Variants in BCAS3 observed in about 807,000 individuals in gnomAD.
BCAS3 encodes BCAS3 microtubule associated cell migration factor.
Under a neutral mutation model 116.1 loss-of-function variants are expected in BCAS3, and 53 were observed. The ratio of observed to expected loss-of-function variants is 0.46; its 90% CI spans 0.37 to 0.57. The LOEUF is 0.57. Ranked by LOEUF, BCAS3 falls within the 20% of genes least tolerant of loss-of-function variation. BCAS3 has a pLI of 0.00. For missense variants in BCAS3, 917 were observed against 1,165.4 expected, an observed-to-expected ratio of 0.79 and a Z score of 3.10; for synonymous variants, 391 against 408.2, an observed-to-expected ratio of 0.96 and a Z score of 0.51.
At chr17:61,096,218 C>T (rs1425219030) in intron 22 of BCAS3, among the ~76,000 whole-genome samples, 1 of 152,156 alleles carries the variant, frequency 6.6e-6, no homozygotes, top group Non-Finnish European at 1.5e-5. Flanking sequence ...ATGTAGAAGT[C>T]TTACACATCT....
In BCAS3 at chr17:61,229,872, C is replaced by T. The variant is rs149149724; in HGVS notation, c.2426-138455C>T. ...GGGCGCGATGGCTTACGCCTGTAAT[C>T]CCAGCACTTTGGGAGGCCAAGGCGG... On this transcript the variant is annotated intron_variant, in intron 22 of 23. Coordinates refer to ENST00000407086, the MANE Select transcript of BCAS3 (RefSeq NM_017679.5). This position sits in a 1 kb window ranked among gnomAD's most constrained non-coding sequence, Gnocchi z 4.4. Among the ~76,000 whole-genome samples, 28 of 152,368 alleles carry T rather than the reference C, an allele frequency of 1.8e-4. No homozygotes were observed. Among genetic ancestry groups the T allele is most frequent in the African/African-American group, 5.8e-4 (24 of 41,592 alleles).
chr17:61,350,171 T>C (rs75831010), intron 22 of BCAS3, among the ~76,000 whole-genome samples: 4,690 of 152,066 alleles, frequency 0.031, 254 homozygotes, highest in African/African-American at 0.11. Context: ...CTCATGGCAT[T>C]ACAGAGTGCT....
rs116269197 is a variant in BCAS3 at position 61,313,361 on chromosome 17, G to A, written c.2426-54966G>A. ...CCTTCCTATAGGAAGCTTAATCTGC[G>A]GTTCTACTTAAAATATGAGGAAACA... On this transcript the variant is annotated intron_variant, in intron 22 of 23. Transcript: ENST00000407086. This position sits in a 1 kb window ranked among gnomAD's most constrained non-coding sequence, Gnocchi z 4.3. 0.014 allele frequency among the ~76,000 whole-genome samples: 2,202 copies of A among 152,208 alleles called. 34 individuals are homozygous for A. Among genetic ancestry groups the A allele is most frequent in the African/African-American group, 0.035 (1,456 of 41,518 alleles).
chr17:61,273,582 C>T (rs567860478), intron 22 of BCAS3, among the ~76,000 whole-genome samples: 14 of 151,830 alleles, frequency 9.2e-5, no homozygotes, highest in African/African-American at 3.4e-4. Context: ...TGTTGAGTTT[C>T]TTGGTTCTAT....
chr17:60,838,711 G>A (rs1040127026), intron 7 of BCAS3, among the ~76,000 whole-genome samples: 6 of 152,044 alleles, frequency 3.9e-5, no homozygotes, highest in Non-Finnish European at 2.9e-5. Flanking sequence ...CAGGATTTTG[G>A]GCATAGTTTG....
chr17:60,989,846 A>G (rs2063411925), intron 14 of BCAS3, 125 bp from the exon 15 acceptor site: 1 of 1,041,576 alleles, frequency 9.6e-7, no homozygotes, highest in Non-Finnish European at 1.4e-6. Context: ...TTTATTTATT[A>G]CCTGATCTTA....
intron 22 of BCAS3, among the ~76,000 whole-genome samples, chr17:61,361,000 G>T (rs965707766): frequency 2.0e-5 from 3 of 152,158 alleles, no homozygotes; most frequent in East Asian, 3.8e-4. Context: ...TGTAGAAAAT[G>T]AAATTGGTAG....
At chr17:61,108,604 G>GC (rs1555720486) in intron 22 of BCAS3, among the ~76,000 whole-genome samples, 6 of 140,146 alleles carry the variant, frequency 4.3e-5, no homozygotes, top group Non-Finnish European at 7.7e-5. Flanking sequence ...GTCTATAGTG[G>GC]TTTTTTTTTT....
rs2082967670 is a variant in BCAS3 at position 61,235,451 on chromosome 17, A to G, written c.2426-132876A>G. 6.6e-6 allele frequency among the ~76,000 whole-genome samples: 1 copy of G among 152,232 alleles called. No homozygotes were observed. The highest frequency in any genetic ancestry group is 1.5e-5 in the Non-Finnish European group (1 of 68,046). On this transcript the variant is annotated intron_variant, in intron 22 of 23. Coordinates refer to ENST00000407086, the MANE Select transcript of BCAS3 (RefSeq NM_017679.5). This position sits in a 1 kb window ranked among gnomAD's most constrained non-coding sequence, Gnocchi z 5.0. ...TGCTTATGCATGAATGTGCTTGTTTAGCAGGTAGAGTTATTATTCTCTTAT... is the reference window on the plus strand; with the variant it reads ...TGCTTATGCATGAATGTGCTTGTTTGGCAGGTAGAGTTATTATTCTCTTAT...
In BCAS3 at chr17:61,161,905, G is replaced by A. The variant is rs542761587; in HGVS notation, c.2425+77341G>A. On this transcript the variant is annotated intron_variant, in intron 22 of 23. Coordinates refer to ENST00000407086, the MANE Select transcript of BCAS3 (RefSeq NM_017679.5). The surrounding 1 kb of genome is among the most constrained non-coding windows in gnomAD (Gnocchi z 4.8). The stretch of plus-strand genomic sequence containing the variant: ...AAGATGAGCAGCACGGATTTGCTGC[G>A]ATGGTCAGAATTCAATTATATTACT... 2.6e-5 allele frequency among the ~76,000 whole-genome samples: 4 copies of A among 152,178 alleles called. No homozygotes were observed. Among genetic ancestry groups the A allele is most frequent in the Admixed American group, 6.5e-5 (1 of 15,280 alleles).
At chr17:60,861,925 T>C (rs2144856843) in intron 7 of BCAS3, among the ~76,000 whole-genome samples, 1 of 152,328 alleles carries the variant, frequency 6.6e-6, no homozygotes, top group South Asian at 2.1e-4. Context: ...TCTGTGTTCA[T>C]CAGGGATATT....
At chr17:60,839,887 T>C (rs572256721) in intron 7 of BCAS3, among the ~76,000 whole-genome samples, 1 of 152,328 alleles carries the variant, frequency 6.6e-6, no homozygotes, top group East Asian at 1.9e-4. Flanking sequence ...TCTCAAATAC[T>C]TTGTTCCGCT....
intron 23 of BCAS3, among the ~76,000 whole-genome samples, chr17:61,375,550 A>G (rs899025389): frequency 1.9e-4 from 29 of 151,752 alleles, no homozygotes; most frequent in Non-Finnish European, 3.5e-4. Context: ...TGTAGGCACC[A>G]GTACCATGTG....
intron 22 of BCAS3, among the ~76,000 whole-genome samples, chr17:61,334,455 CAGG>C (rs2056543148): frequency 6.6e-6 from 1 of 152,062 alleles, no homozygotes; most frequent in Non-Finnish European, 1.5e-5. Flanking sequence ...TCACCTGAGT[CAGG>C]AGTTCAAGAC....
At chr17:60,878,473 T>A (rs369676807) in intron 9 of BCAS3, among the ~76,000 whole-genome samples, 3 of 152,326 alleles carry the variant, frequency 2.0e-5, no homozygotes, top group African/African-American at 7.2e-5. Context: ...GTGTTCAATA[T>A]GTGTACACTT....
chr17:61,329,844 G>A (rs2056113464), intron 22 of BCAS3, among the ~76,000 whole-genome samples: 1 of 152,032 alleles, frequency 6.6e-6, no homozygotes, highest in Non-Finnish European at 1.5e-5. Flanking sequence ...CATGAAGACC[G>A]CAAGACGCCG....
intron 22 of BCAS3, among the ~76,000 whole-genome samples, chr17:61,306,820 C>T (rs1307223069): frequency 6.6e-6 from 1 of 152,146 alleles, no homozygotes; most frequent in South Asian, 2.1e-4. Flanking sequence ...AAGCTCTTTT[C>T]TTTAAAATAT....
At chr17:61,061,228 G>A (rs1024042806) in intron 19 of BCAS3, among the ~76,000 whole-genome samples, 2 of 152,090 alleles carry the variant, frequency 1.3e-5, no homozygotes, top group Admixed American at 1.3e-4. Flanking sequence ...CTTTTGCTTA[G>A]GCAAGAGAAA....
intron 7 of BCAS3, among the ~76,000 whole-genome samples, chr17:60,864,981 G>A (rs796130652): frequency 3.9e-5 from 6 of 152,244 alleles, no homozygotes; most frequent in African/African-American, 1.4e-4. Context: ...CGTCTTCTAT[G>A]GGTCCAGTAT....
Sources: allele counts gnomAD v4.1 joint callset (sites outside exome capture counted in the v4.1 genomes callset), GRCh38; gene constraint gnomAD v4.1.1; non-coding constraint Gnocchi (gnomAD v3.1); transcripts MANE v1.5; gene names NCBI Gene and HGNC (gene_info 2026-07-23, HGNC 2026-07-21).